The following KIR2DL1 variants were observed in gnomAD, a reference collection of about 807,000 sequenced individuals.
KIR2DL1 encodes the protein killer cell immunoglobulin-like receptor 2DL1.
A neutral mutation model predicts 33.9 loss-of-function variants in KIR2DL1; 38 were observed. That is an observed-to-expected ratio of 1.12 (90% CI 0.86 to 1.47). The LOEUF is 1.47. Ranked by LOEUF, KIR2DL1 falls within the 40% of genes most tolerant of loss-of-function variation. The pLI is 0.00. For synonymous variants in KIR2DL1, 179 were observed against 165.9 expected, an observed-to-expected ratio of 1.08 and a Z score of -0.61; for missense variants, 531 against 433.9, an observed-to-expected ratio of 1.22 and a Z score of -1.99.
intron 4 of KIR2DL1, among the ~76,000 whole-genome samples, chr19:54,776,725 C>A (rs113458512): frequency 0.21 from 26,639 of 123,938 alleles, 130 homozygotes; most frequent in South Asian, 0.33. Context: ...ATTGCAACCT[C>A]CGCCTCCTGG....
intron 4 of KIR2DL1, among the ~76,000 whole-genome samples, chr19:54,775,963 C>T (rs1306740295): frequency 6.8e-6 from 1 of 146,598 alleles, no homozygotes; most frequent in African/African-American, 2.5e-5. Flanking sequence ...ACAATCTCAG[C>T]TCACTGCAAC....
At chr19:54,776,294 A>G (rs1181005563) in intron 4 of KIR2DL1, among the ~76,000 whole-genome samples, 5 of 146,572 alleles carry the variant, frequency 3.4e-5, no homozygotes, top group Non-Finnish European at 6.1e-5. Flanking sequence ...CCTGTCCTCC[A>G]GTAGCCACCA....
In KIR2DL1 at chr19:54,783,984, A is replaced by C. The variant is rs1241550480; in HGVS notation, c.*171A>C. The stretch of plus-strand genomic sequence containing the variant: ...CTGAATGTGCCTCTCTCTTGCTTAC[A>C]AATGTCTAAGGTCCCCACTGCCTGC... On this transcript the variant is annotated 3_prime_UTR_variant, in exon 8 of 8. Coordinates refer to ENST00000336077, the MANE Select transcript of KIR2DL1 (RefSeq NM_014218.3). The C allele has an allele frequency of 8.6e-5, 92 of 1,066,762 alleles. 1 individual carries two copies. Among genetic ancestry groups the C allele is most frequent in the Non-Finnish European group, 1.3e-5 (9 of 707,538 alleles). 66.1% of individuals were successfully genotyped at this position (1,066,762 alleles called of 1,614,324 possible). A position where few individuals can be genotyped will look rare whatever the true frequency, so the allele number is the denominator to read the frequency against.
At position 54,782,904 on chromosome 19, in the gene KIR2DL1, T is replaced by C. The variant is rs762571847; in HGVS notation, c.716-18T>C. 6.2e-7 allele frequency: 1 copy of C among 1,606,304 alleles called. No homozygotes were observed. On this transcript the variant is annotated intron_variant, in intron 5 of 7. Coordinates refer to ENST00000336077, the MANE Select transcript of KIR2DL1 (RefSeq NM_014218.3). ...ACTGCTAAGATTAGCTTCTTATTGG[T>C]GTCTCATCTTCTTCCAGGTAACCCC...
At chr19:54,783,067 G>C in intron 6 of KIR2DL1, 44 bp downstream of exon 6, 1 of 1,592,080 alleles carries the variant, frequency 6.3e-7, no homozygotes, top group Non-Finnish European at 8.6e-7. Flanking sequence ...GGGCCATGTG[G>C]GGAAGCAGGA....
chr19:54,777,193 C>A (rs575941210), intron 4 of KIR2DL1, among the ~76,000 whole-genome samples: 1 of 149,426 alleles, frequency 6.7e-6, no homozygotes, highest in Non-Finnish European at 1.5e-5. Flanking sequence ...CAGGTTCAAG[C>A]GATTCTCCTG....
At chr19:54,780,879 A>C (rs2147600878) in intron 5 of KIR2DL1, among the ~76,000 whole-genome samples, 1 of 108,210 alleles carries the variant, frequency 9.2e-6, no homozygotes, top group East Asian at 2.3e-4. Flanking sequence ...GACTTATTAT[A>C]GCATAATATA....
At position 54,783,887 on chromosome 19, in the gene KIR2DL1, C is replaced by T; in HGVS notation, c.*74C>T. The T allele has an allele frequency of 1.3e-6, 2 of 1,590,000 alleles. No individual in the cohort carries two copies. The highest frequency in any genetic ancestry group is 1.1e-5 in the South Asian group (1 of 90,596). On this transcript the variant is annotated 3_prime_UTR_variant, in exon 8 of 8. Transcript: ENST00000336077. The stretch of plus-strand genomic sequence containing the variant: ...GTCTCAAAACCGGGTTGCCAGCTCC[C>T]ATGTACCAGCAGCTGGAATCTGAAG...
chr19:54,775,710 G>C (rs2076249329), intron 4 of KIR2DL1, among the ~76,000 whole-genome samples: 1 of 148,628 alleles, frequency 6.7e-6, no homozygotes, highest in Admixed American at 6.8e-5. Flanking sequence ...ACCCAGAGGA[G>C]GGAGACTGGG....
chr19:54,772,985 G>T (rs1296002702), intron 2 of KIR2DL1, among the ~76,000 whole-genome samples: 2 of 148,204 alleles, frequency 1.3e-5, no homozygotes, highest in African/African-American at 4.9e-5. Flanking sequence ...AAAAGAGATT[G>T]AACCAGGCTG....
Position 54,775,321 on chromosome 19 carries a change from A to T in KIR2DL1, c.527A>T (p.Lys176Met). The T allele has an allele frequency of 7.5e-7, 1 of 1,341,708 alleles. No homozygotes were observed. The highest frequency in any genetic ancestry group is 9.7e-7 in the Non-Finnish European group (1 of 1,029,678). 83.1% of individuals were successfully genotyped at this position (1,341,708 alleles called of 1,614,324 possible). A position where few individuals can be genotyped will look rare whatever the true frequency, so the allele number is the denominator to read the frequency against. Residue 176 changes from lysine to methionine, a missense_variant, in exon 4 of 8, where the codon AAG (lysine) becomes ATG (methionine). Coordinates refer to ENST00000336077, the MANE Select transcript of KIR2DL1 (RefSeq NM_014218.3). ...AHERRLPAGPKVNGTFQADFP... is the reference protein window; with the variant it reads ...AHERRLPAGPMVNGTFQADFP... ...GAACGTAGGCTCCCTGCAGGGCCCA[A>T]GGTCAACGGAACATTCCAGGCTGAC...
chr19:54,778,394 T>G (rs1258692915), intron 4 of KIR2DL1, among the ~76,000 whole-genome samples: 3 of 148,896 alleles, frequency 2.0e-5, no homozygotes, highest in Non-Finnish European at 4.5e-5. Context: ...GTAACATATT[T>G]TGAGATCAGG....
chr19:54,783,844 T>C lies in KIR2DL1; in HGVS notation c.*31T>C, dbSNP rs1158091146. Reference sequence around the variant, plus strand: ...ACAGTCAGGCCTTGAGGGCGTCTTCTAGGGAGACAACAGCCCTGTCTCAAA... The same window carrying C: ...ACAGTCAGGCCTTGAGGGCGTCTTCCAGGGAGACAACAGCCCTGTCTCAAA... On this transcript the variant is annotated 3_prime_UTR_variant, in exon 8 of 8. Transcript: ENST00000336077. 2 of 1,613,690 alleles carry C rather than the reference T, an allele frequency of 1.2e-6. No individual in the cohort carries two copies. Among genetic ancestry groups the C allele is most frequent in the Non-Finnish European group, 8.5e-7 (1 of 1,179,852 alleles).
Position 54,778,631 on chromosome 19 carries a change from G to A in KIR2DL1, c.684G>A (p.Trp228Ter), listed in dbSNP as rs1569213241. 4 of 1,570,058 alleles carry A rather than the reference G, an allele frequency of 2.5e-6. No homozygotes were observed. Among genetic ancestry groups the A allele is most frequent in the African/African-American group, 1.4e-5 (1 of 72,220 alleles). ...TTCTAGGAAACCCTTCAAATAGTTG[G>A]CCTTCACCCACTGAACCAAGCTCCA... is the stretch of plus-strand genomic sequence containing the variant. ...VSVTGNPSNSWPSPTEPSSKT... is the reference protein window; with the variant it reads ...VSVTGNPSNS The change falls in exon 5 of 8, where the codon TGG (tryptophan) becomes TGA (stop). Residue 228 changes from tryptophan to a stop codon, truncating the protein, a stop_gained. Transcript: ENST00000336077. LOFTEE classifies it high-confidence loss of function.
intron 5 of KIR2DL1, among the ~76,000 whole-genome samples, chr19:54,779,086 C>T (rs79064282): frequency 1.5e-5 from 2 of 134,716 alleles, no homozygotes; most frequent in Admixed American, 7.7e-5. Context: ...TGGCTGACTC[C>T]GCAGAGAAAG....
At chr19:54,771,630 T>C (rs2075738708) in intron 2 of KIR2DL1, among the ~76,000 whole-genome samples, 1 of 147,870 alleles carries the variant, frequency 6.8e-6, no homozygotes, top group Non-Finnish European at 1.5e-5. Context: ...GACAAGCCCT[T>C]GCTGTCTGCC....
intron 4 of KIR2DL1, among the ~76,000 whole-genome samples, chr19:54,776,428 A>G (rs1329359365): frequency 6.9e-6 from 1 of 145,722 alleles, no homozygotes; most frequent in Non-Finnish European, 1.5e-5. Context: ...TATTCTTTCT[A>G]TGGATGAGTA....
At chr19:54,781,599 T>A (rs550193980) in intron 5 of KIR2DL1, among the ~76,000 whole-genome samples, 60 of 151,378 alleles carry the variant, frequency 4.0e-4, no homozygotes, top group African/African-American at 1.4e-3. Context: ...TTCCTACTAA[T>A]TCACAGGAGG....
At chr19:54,783,403 C>A (rs2077269022) in intron 6 of KIR2DL1, 83 bp from the exon 7 acceptor site, 2 of 1,504,278 alleles carry the variant, frequency 1.3e-6, no homozygotes, top group African/African-American at 2.7e-5. Flanking sequence ...CCTATGGTCT[C>A]CCCCTGTATG....
Sources: allele counts gnomAD v4.1 joint callset (sites outside exome capture counted in the v4.1 genomes callset), GRCh38; gene constraint gnomAD v4.1.1; transcripts MANE v1.5; gene names NCBI Gene and HGNC (gene_info 2026-07-23, HGNC 2026-07-21).